The following KCTD16 variants were observed in gnomAD, a reference collection of about 807,000 sequenced individuals.
KCTD16 encodes BTB/POZ domain-containing protein KCTD16.
In KCTD16, 13 loss-of-function variants were observed where a neutral mutation model predicts 33.2. That is an observed-to-expected ratio of 0.39 (90% confidence interval 0.25 to 0.62). KCTD16 has a LOEUF of 0.62. KCTD16 is among the 20% of genes least tolerant of loss of function. The probability of loss-of-function intolerance (pLI) is 0.50; values close to 1 mark genes in which losing one functional copy is unlikely to be tolerated. For synonymous variants in KCTD16, 197 were observed against 195.3 expected, an observed-to-expected ratio of 1.01 and a Z score of -0.07; for missense variants, 441 against 525.1, an observed-to-expected ratio of 0.84 and a Z score of 1.57.
intron 3 of KCTD16, among the ~76,000 whole-genome samples, chr5:144,239,011 G>A (rs1754329591): frequency 6.6e-6 from 1 of 152,124 alleles, no homozygotes; most frequent in South Asian, 2.1e-4. Flanking sequence ...GCACACAGGG[G>A]AAGCCCACGA....
intron 2 of KCTD16, among the ~76,000 whole-genome samples, chr5:144,179,177 G>A (rs1012380113): frequency 1.3e-5 from 2 of 152,126 alleles, no homozygotes; most frequent in Non-Finnish European, 2.9e-5. Context: ...ACCCTCACAG[G>A]TTCCTAAAGG....
At chr5:144,323,624 T>C (rs1752131191) in intron 3 of KCTD16, among the ~76,000 whole-genome samples, 1 of 152,172 alleles carries the variant, frequency 6.6e-6, no homozygotes, top group African/African-American at 2.4e-5. Flanking sequence ...GGAAAGTCCA[T>C]GGAAAGTACA....
chr5:144,452,158 A>ATG (rs1753958827), intron 3 of KCTD16, among the ~76,000 whole-genome samples: 1 of 147,874 alleles, frequency 6.8e-6, no homozygotes, highest in South Asian at 2.1e-4. Context: ...ATATATATAT[A>ATG]TATATATTCC....
At chr5:144,333,988 T>A (rs1752419827) in intron 3 of KCTD16, among the ~76,000 whole-genome samples, 1 of 152,178 alleles carries the variant, frequency 6.6e-6, no homozygotes, top group Non-Finnish European at 1.5e-5. Flanking sequence ...TGCTCTTGAC[T>A]TAAAGTTTCC....
At chr5:144,360,886 A>AT (rs200467715) in intron 3 of KCTD16, among the ~76,000 whole-genome samples, 13 of 149,190 alleles carry the variant, frequency 8.7e-5, no homozygotes, top group South Asian at 2.1e-4. Flanking sequence ...CTTTTTTTTT[A>AT]TTTTTTTTGG....
intron 3 of KCTD16, among the ~76,000 whole-genome samples, chr5:144,472,740 A>G (rs954541094): frequency 2.0e-4 from 30 of 152,202 alleles, no homozygotes; most frequent in Admixed American, 1.8e-3. Flanking sequence ...AAAATGTAAC[A>G]TGTGCAATAA....
chr5:144,328,548 G>C (rs970243719), intron 3 of KCTD16, among the ~76,000 whole-genome samples: 3 of 151,602 alleles, frequency 2.0e-5, no homozygotes, highest in African/African-American at 7.3e-5. Context: ...CAAGCAGTGA[G>C]TGTGTATTCC....
intron 3 of KCTD16, among the ~76,000 whole-genome samples, chr5:144,388,360 C>T (rs1172031587): frequency 6.6e-6 from 1 of 151,950 alleles, no homozygotes; most frequent in African/African-American, 2.4e-5. Flanking sequence ...GGATTACAGG[C>T]GTGAGCCACC....
intron 3 of KCTD16, among the ~76,000 whole-genome samples, chr5:144,268,584 A>C (rs1434439345): frequency 6.6e-6 from 1 of 152,074 alleles, no homozygotes; most frequent in East Asian, 1.9e-4. Context: ...TAAAAATAAA[A>C]CCCCCAAACA....
intron 3 of KCTD16, among the ~76,000 whole-genome samples, chr5:144,233,904 C>T (rs780673927): frequency 6.6e-6 from 1 of 152,060 alleles, no homozygotes; most frequent in Non-Finnish European, 1.5e-5. Flanking sequence ...CTAATTAGTA[C>T]TGGGCTATTT....
In KCTD16 at chr5:144,207,502, C is replaced by G. The variant is rs1753223911; in HGVS notation, c.788C>G (p.Thr263Arg). 1.9e-6 allele frequency: 3 copies of G among 1,614,062 alleles called. No homozygotes were observed. The highest frequency in any genetic ancestry group is 2.5e-6 in the Non-Finnish European group (3 of 1,179,986). The stretch of plus-strand genomic sequence containing the variant: ...ACAGCATCTTTCATCAACCAATATA[C>G]AGATGACAAGATCTGGTCAAGCTAC... ...SVTASFINQY[T>R]DDKIWSSYTE... The change falls in exon 3 of 4, where the codon ACA (threonine) becomes AGA (arginine). Residue 263 changes from threonine to arginine, a missense_variant. Thr to Arg is a moderately conservative substitution (Grantham distance 71). This residue lies in a region of KCTD16 where 355 missense variants were observed against 413.0 expected (regional missense o/e 0.86). Transcript: ENST00000512467.
chr5:144,454,038 T>C (rs1389394811), intron 3 of KCTD16, among the ~76,000 whole-genome samples: 1 of 152,198 alleles, frequency 6.6e-6, no homozygotes, highest in East Asian at 1.9e-4. Context: ...CTCAGATTTC[T>C]TTTGATGAGA....
intron 3 of KCTD16, among the ~76,000 whole-genome samples, chr5:144,295,349 G>T (rs1391632213): frequency 6.6e-6 from 1 of 152,200 alleles, no homozygotes; most frequent in East Asian, 1.9e-4. Context: ...TCTGAGAAAA[G>T]AATGTGTGTG....
chr5:144,385,705 A>G (rs1440887556), intron 3 of KCTD16, among the ~76,000 whole-genome samples: 1 of 152,210 alleles, frequency 6.6e-6, no homozygotes, highest in Admixed American at 6.5e-5. Flanking sequence ...GCAAAAATGT[A>G]TATGTCTGCC....
chr5:144,403,449 T>A (rs1752747908), intron 3 of KCTD16, among the ~76,000 whole-genome samples: 2 of 149,050 alleles, frequency 1.3e-5, no homozygotes, highest in South Asian at 4.4e-4. Context: ...GAGCAGCATG[T>A]GACAACAGAG....
At chr5:144,447,148 G>A (rs577400716) in intron 3 of KCTD16, among the ~76,000 whole-genome samples, 7 of 152,172 alleles carry the variant, frequency 4.6e-5, no homozygotes, top group East Asian at 3.9e-4. Context: ...CAAAGACTTG[G>A]AACCAACCCA....
chr5:144,251,917 A>G (rs1436010382), intron 3 of KCTD16, among the ~76,000 whole-genome samples: 3 of 152,166 alleles, frequency 2.0e-5, no homozygotes, highest in Non-Finnish European at 2.9e-5. Flanking sequence ...TGTAAAGGAG[A>G]CAACCATCCC....
At chr5:144,412,145 G>A (rs893442126) in intron 3 of KCTD16, among the ~76,000 whole-genome samples, 2 of 152,156 alleles carry the variant, frequency 1.3e-5, no homozygotes, top group African/African-American at 4.8e-5. Context: ...TAGGACTACA[G>A]TTTGATCCAA....
At chr5:144,387,138 A>ATTTT (rs377558036) in intron 3 of KCTD16, among the ~76,000 whole-genome samples, 80 of 116,110 alleles carry the variant, frequency 6.9e-4, no homozygotes, top group East Asian at 3.5e-3. Flanking sequence ...GGCTAATTTA[A>ATTTT]TTTTTTTTTT....
Sources: gnomAD v4.1 joint callset for allele counts (sites outside exome capture counted in the v4.1 genomes callset) on GRCh38, gnomAD v4.1.1 for gene constraint, gnomAD v4.1.1 regional missense constraint, MANE v1.5 for transcripts, NCBI Gene and HGNC (gene_info 2026-07-23, HGNC 2026-07-21) for gene names.